Variants in AOPEP observed in about 807,000 individuals in gnomAD.
AOPEP encodes aminopeptidase O.
In AOPEP, 77 loss-of-function variants were observed where a neutral mutation model predicts 98.1. The ratio of observed to expected loss-of-function variants is 0.78; its 90% CI spans 0.65 to 0.95. AOPEP has a LOEUF of 0.95. AOPEP is among the 40% of genes least tolerant of loss of function. AOPEP has a pLI of 0.00. For missense variants in AOPEP, 1,024 were observed against 1,024.7 expected (o/e 1.00, Z 0.01); for synonymous variants, 346 against 365.3 (o/e 0.95, Z 0.60).
rs9785251 is a variant in AOPEP at position 94,875,483 on chromosome 9, C to T, written c.1365-48503C>T. ...AAAAAGGAAAGTGATACACAGAAAACAGAAGTAAGGTAGAGAAACAGCTGA... is the reference window on the plus strand; with the variant it reads ...AAAAAGGAAAGTGATACACAGAAAATAGAAGTAAGGTAGAGAAACAGCTGA... On this transcript the variant is annotated intron_variant, in intron 5 of 16. Coordinates refer to ENST00000375315, the MANE Select transcript of AOPEP (RefSeq NM_001193329.3). Among the ~76,000 whole-genome samples the T allele has an allele frequency of 6.5e-3, 982 of 151,138 alleles. 9 individuals carry two copies. Among genetic ancestry groups the T allele is most frequent in the African/African-American group, 0.022 (897 of 41,112 alleles).
chr9:94,904,090 G>A (rs938314300), intron 5 of AOPEP: 11 of 151,900 alleles, frequency 7.2e-5, no homozygotes, highest in African/African-American at 2.2e-4. Context: ...CATGTGAATA[G>A]TGTCCTTTGC....
chr9:94,933,391 T>C, intron 7 of AOPEP: 1 of 985,472 alleles, frequency 1.0e-6, no homozygotes, highest in Non-Finnish European at 1.2e-6. Context: ...TGATTTATTA[T>C]GACTTCTCTT....
intron 5 of AOPEP, among the ~76,000 whole-genome samples, chr9:94,852,746 G>T (rs2043708338): frequency 6.6e-6 from 1 of 152,208 alleles, no homozygotes; most frequent in Non-Finnish European, 1.5e-5. Context: ...TAAAAATCGT[G>T]TGAATCATTA....
chr9:94,928,468 G>A lies in AOPEP; in HGVS notation c.1598G>A (p.Cys533Tyr), dbSNP rs751025719. ...CGGGAGCAGCAGGAGCTGAGGGCTT[G>A]TCTGCGCTGGCGTCGCCTCCAGGAC... ...EAREQQELRACLRWRRLQDEM... is the reference protein window; with the variant it reads ...EAREQQELRAYLRWRRLQDEM... The change falls in exon 7 of 17, where the codon TGT becomes TAT. Residue 533 changes from cysteine to tyrosine, a missense_variant. Coordinates refer to ENST00000375315, the MANE Select transcript of AOPEP (RefSeq NM_001193329.3). 2.6e-6 allele frequency: 4 copies of A among 1,550,192 alleles called. No individual in the cohort carries two copies. The highest frequency in any genetic ancestry group is 3.5e-6 in the Non-Finnish European group (4 of 1,147,004).
At chr9:95,066,860 T>A (rs1440545156) in intron 14 of AOPEP, among the ~76,000 whole-genome samples, 2 of 152,206 alleles carry the variant, frequency 1.3e-5, no homozygotes, top group African/African-American at 4.8e-5. Flanking sequence ...ATTAATGCAT[T>A]GGACTTTAAT....
At chr9:94,860,715 C>T (rs2044836665) in intron 5 of AOPEP, among the ~76,000 whole-genome samples, 1 of 152,124 alleles carries the variant, frequency 6.6e-6, no homozygotes, top group Non-Finnish European at 1.5e-5. Flanking sequence ...TGGATGGGTG[C>T]TCCATTGACT....
chr9:95,086,601 G>T (rs2070734836), intron 16 of AOPEP, 81 bp from the exon 17 acceptor site: 1 of 992,212 alleles, frequency 1.0e-6, no homozygotes, highest in Non-Finnish European at 1.2e-6. Flanking sequence ...AAAGTGGAGA[G>T]CAAAGGCACA....
the AOPEP span, among the ~76,000 whole-genome samples, chr9:95,105,161 C>T: frequency 4.6e-5 from 7 of 152,232 alleles, no homozygotes; most frequent in African/African-American, 1.7e-4. Context: ...GCTGAGACAC[C>T]AGCACCTGGG....
Position 94,956,030 on chromosome 9 carries a change from CT to C in AOPEP, c.1872+16del. On this transcript the variant is annotated intron_variant, in intron 9 of 16. Coordinates refer to ENST00000375315, the MANE Select transcript of AOPEP (RefSeq NM_001193329.3). The stretch of plus-strand genomic sequence containing the variant: ...TTCTTTCCCAGGTAACTTATGGGTC[CT>C]CATGAGTCCATGATGTATGACTGGA... 6.8e-7 allele frequency: 1 copy of C among 1,468,748 alleles called. No homozygotes were observed. Among genetic ancestry groups the C allele is most frequent in the Non-Finnish European group, 9.5e-7 (1 of 1,048,380 alleles). 91.0% of individuals were successfully genotyped at this position (1,468,748 alleles called of 1,614,324 possible).
intron 16 of AOPEP, chr9:95,086,472 C>G (rs1280538649): frequency 1.0e-6 from 1 of 985,270 alleles, no homozygotes; most frequent in Admixed American, 6.1e-5. Context: ...CTGAGTACAG[C>G]CTGCTGGTGT....
At chr9:95,086,467 T>G in intron 16 of AOPEP, 1 of 985,360 alleles carries the variant, frequency 1.0e-6, no homozygotes, top group Non-Finnish European at 1.2e-6. Flanking sequence ...AAAGCCTGAG[T>G]ACAGCCTGCT....
At chr9:94,854,247 G>A (rs962051954) in intron 5 of AOPEP, among the ~76,000 whole-genome samples, 1 of 152,186 alleles carries the variant, frequency 6.6e-6, no homozygotes, top group African/African-American at 2.4e-5. Flanking sequence ...TAGTTGAAAG[G>A]AATTGTGAAA....
Position 94,955,923 on chromosome 9 carries a change from C to T in AOPEP, c.1780C>T (p.Arg594Trp), listed in dbSNP as rs146337789. ...TTTCTTCTAGGGCTACTTCCTTCTT[C>T]GGTTTCTTGCCAAAAGACTTGGAGA... Reference protein sequence around the residue: ...VHYLKGYFLLRFLAKRLGDET... With the variant: ...VHYLKGYFLLWFLAKRLGDET... The change falls in exon 9 of 17, where the codon CGG (arginine) becomes TGG (tryptophan). Residue 594 changes from arginine to tryptophan, a missense_variant. Around this residue, in one of 3 missense-constraint regions of AOPEP, gnomAD observed 566 missense variants for 551.7 expected, o/e 1.03. Transcript: ENST00000375315. 599 of 1,611,542 alleles carry T rather than the reference C, an allele frequency of 3.7e-4. 3 individuals are homozygous for T. The highest frequency in any genetic ancestry group is 1.7e-3 in the Middle Eastern group (10 of 6,056).
intron 11 of AOPEP, among the ~76,000 whole-genome samples, chr9:94,985,027 G>GC (rs764799694): frequency 6.6e-6 from 1 of 152,240 alleles, no homozygotes; most frequent in Non-Finnish European, 1.5e-5. Flanking sequence ...GTTTCCTGAG[G>GC]TGTGAACCAC....
chr9:95,117,364 A>C, the AOPEP span: 2 of 1,614,118 alleles, frequency 1.2e-6, no homozygotes, highest in South Asian at 1.1e-5. Flanking sequence ...AAGTGTAAGG[A>C]AAGTAGGTCT....
At chr9:94,931,603 A>G in intron 7 of AOPEP, 1 of 700,966 alleles carries the variant, frequency 1.4e-6, no homozygotes, top group Non-Finnish European at 2.5e-6. Flanking sequence ...ACCTTGGGAA[A>G]GAAGTCCCTT....
At chr9:94,880,337 C>CT (rs1268776191) in intron 5 of AOPEP, among the ~76,000 whole-genome samples, 6 of 147,908 alleles carry the variant, frequency 4.1e-5, no homozygotes, top group East Asian at 2.0e-4. Flanking sequence ...GCATATTTGT[C>CT]TTTTTTTTTC....
chr9:94,839,179 G>A (rs1167145428), intron 5 of AOPEP, among the ~76,000 whole-genome samples: 13 of 151,554 alleles, frequency 8.6e-5, no homozygotes, highest in East Asian at 1.9e-4. Context: ...CCTGCCTCCC[G>A]GGTTCACGCC....
In AOPEP at chr9:95,009,465, CTA is replaced by C. The variant is rs138427903; in HGVS notation, c.2115+3858_2115+3859del. On this transcript the variant is annotated intron_variant, in intron 13 of 16. Coordinates refer to ENST00000375315, the MANE Select transcript of AOPEP (RefSeq NM_001193329.3). ...ATTCAAAGGAAGCACCCTTCCTAGT[CTA>C]TATATATAGTAAGCGGAGAACTAGT... is the stretch of plus-strand genomic sequence containing the variant. Among the ~76,000 whole-genome samples, 472 of 152,130 alleles carry C rather than the reference CTA, an allele frequency of 3.1e-3. 1 individual carries two copies. Among genetic ancestry groups the C allele is most frequent in the African/African-American group, 0.011 (458 of 41,500 alleles).
Sources: gnomAD v4.1 joint callset for allele counts (sites outside exome capture counted in the v4.1 genomes callset) on GRCh38, gnomAD v4.1.1 for gene constraint, gnomAD v4.1.1 regional missense constraint, MANE v1.5 for transcripts, NCBI Gene and HGNC (gene_info 2026-07-23, HGNC 2026-07-21) for gene names.